Variants in IDO2 observed in about 807,000 individuals in gnomAD.
IDO2 encodes the protein indoleamine 2,3-dioxygenase-like 1 protein.
In IDO2, 46 loss-of-function variants were observed where a neutral mutation model predicts 45.1. The observed-to-expected ratio is 1.02, with a 90% CI of 0.80 to 1.30. IDO2 has a LOEUF of 1.30. IDO2 is among the 50% of genes most tolerant of loss of function. The probability of loss-of-function intolerance (pLI) is 0.00; values close to 1 mark genes in which losing one functional copy is unlikely to be tolerated. For missense variants in IDO2, 544 were observed against 491.8 expected (o/e 1.11, Z -1.00); for synonymous variants, 218 against 184.9 (o/e 1.18, Z -1.45).
chr8:39,968,714 G>A (rs528128732), intron 3 of IDO2, among the ~76,000 whole-genome samples: 3 of 151,862 alleles, frequency 2.0e-5, no homozygotes, highest in African/African-American at 7.2e-5. Flanking sequence ...CTGTTGTGGG[G>A]TGGGGGGCTA....
chr8:39,969,566 C>A (rs745768008), intron 3 of IDO2, among the ~76,000 whole-genome samples: 12 of 152,120 alleles, frequency 7.9e-5, no homozygotes, highest in Non-Finnish European at 1.2e-4. Flanking sequence ...AGTTGCATGT[C>A]TCTCACTTTA....
intron 2 of IDO2, among the ~76,000 whole-genome samples, chr8:39,952,480 T>C (rs1445571838): frequency 6.6e-6 from 1 of 152,328 alleles, no homozygotes; most frequent in Admixed American, 6.5e-5. Context: ...AATTCTGGTT[T>C]TGGGAAGCAG....
chr8:39,967,122 T>A lies in IDO2; in HGVS notation c.195+3419T>A, dbSNP rs183304533. On this transcript the variant is annotated intron_variant, in intron 3 of 10. Transcript: ENST00000502986. ...TGACTTAGGGACTTCCTTGATAAAT[T>A]TCATAAAGCATAAAGAAAAATCAAA... 4.6e-5 allele frequency among the ~76,000 whole-genome samples: 7 copies of A among 152,244 alleles called. No homozygotes were observed. In the East Asian group the frequency reaches 1.3e-3, roughly 29 times the overall value.
intron 9 of IDO2, among the ~76,000 whole-genome samples, chr8:40,009,511 G>T (rs868634233): frequency 4.3e-4 from 65 of 150,624 alleles, no homozygotes; most frequent in African/African-American, 1.4e-3. Flanking sequence ...CTAGAAAGTT[G>T]CTACAAGAAA....
chr8:39,969,349 CAT>C (rs1163265745), intron 3 of IDO2, among the ~76,000 whole-genome samples: 2 of 152,094 alleles, frequency 1.3e-5, no homozygotes, highest in Non-Finnish European at 2.9e-5. Context: ...ATGTTACTAT[CAT>C]AATCGTTTTG....
rs79210405 is a variant in IDO2, at chr8:39,968,508, T to C, written c.195+4805T>C. Among the ~76,000 whole-genome samples, 21 of 152,280 alleles carry C rather than the reference T, an allele frequency of 1.4e-4. No individual in the cohort carries two copies. The East Asian group carries it at 2.7e-3, about 20-fold the overall frequency. ...GTCACAAAGAATGGACTTTCATGTA[T>C]GCAAATTTTAAAAAATAAACCAGAA... On this transcript the variant is annotated intron_variant, in intron 3 of 10. Transcript: ENST00000502986.
intron 2 of IDO2, among the ~76,000 whole-genome samples, chr8:39,955,180 C>A (rs1807872447): frequency 6.8e-6 from 1 of 148,052 alleles, no homozygotes. Context: ...AATATTCTGG[C>A]ATGCTAGATG....
At chr8:39,963,364 A>G (rs1401261327) in intron 2 of IDO2, among the ~76,000 whole-genome samples, 1 of 152,242 alleles carries the variant, frequency 6.6e-6, no homozygotes, top group African/African-American at 2.4e-5. Context: ...GTAATTAAAC[A>G]TATTTTACTG....
At position 39,945,717 on chromosome 8, in the gene IDO2, G is replaced by C. The variant is rs545224997; in HGVS notation, c.-17-3432G>C. On this transcript the variant is annotated intron_variant, in intron 1 of 10. Coordinates refer to ENST00000502986, the Ensembl canonical transcript of IDO2. ...TTAACTCTGGGACCCTCTTAGCCAA[G>C]AAGAGGTCCATTCAGTTGGTTGAAG... is the stretch of plus-strand genomic sequence containing the variant. Among the ~76,000 whole-genome samples, 10 of 152,318 alleles carry C rather than the reference G, an allele frequency of 6.6e-5. 1 individual carries two copies. In the Middle Eastern group the frequency reaches 0.014, roughly 207 times the overall value.
Position 39,954,407 on chromosome 8 carries a change from C to T in IDO2, c.99+5143C>T, listed in dbSNP as rs527555241. 3.9e-5 allele frequency among the ~76,000 whole-genome samples: 6 copies of T among 152,256 alleles called. No individual in the cohort carries two copies. In the East Asian group the frequency reaches 7.7e-4, roughly 20 times the overall value. Reference sequence around the variant, plus strand: ...GTGAAGTCAGATTTAATAGTATAGTCGTTTGCCAGAGCTGCTGTAACAGTA... The same window carrying T: ...GTGAAGTCAGATTTAATAGTATAGTTGTTTGCCAGAGCTGCTGTAACAGTA... On this transcript the variant is annotated intron_variant, in intron 2 of 10. Transcript: ENST00000502986.
chr8:39,941,534 C>T (rs966983317), intron 1 of IDO2, among the ~76,000 whole-genome samples: 36 of 152,030 alleles, frequency 2.4e-4, no homozygotes, highest in African/African-American at 8.0e-4. Flanking sequence ...GTTTTATTGG[C>T]AGGACCTAAG....
At chr8:39,986,168 T>G (rs1434534683) in intron 6 of IDO2, 1 of 152,288 alleles carries the variant, frequency 6.6e-6, no homozygotes, top group Non-Finnish European at 1.5e-5. Context: ...CTCATCTCAC[T>G]ATATCTTCTA....
chr8:39,972,007 T>G (rs2543057), intron 3 of IDO2, among the ~76,000 whole-genome samples: 3,290 of 152,112 alleles, frequency 0.022, 115 homozygotes, highest in African/African-American at 0.073. Flanking sequence ...ATGGGGTTTT[T>G]CCATGTTGGC....
chr8:40,005,465 G>A (rs1158205308), intron 9 of IDO2, 87 bp downstream of exon 9: 3 of 837,830 alleles, frequency 3.6e-6, no homozygotes, highest in African/African-American at 1.7e-5. Flanking sequence ...AAGCTTCCTA[G>A]CGTAAGAAAC....
intron 2 of IDO2, among the ~76,000 whole-genome samples, chr8:39,962,081 A>G (rs551286440): frequency 5.9e-5 from 9 of 152,204 alleles, no homozygotes; most frequent in East Asian, 1.9e-4. Flanking sequence ...CTGGGTGCCA[A>G]TGAAAATTCA....
intron 1 of IDO2, among the ~76,000 whole-genome samples, chr8:39,940,791 C>T (rs1807630568): frequency 6.6e-6 from 1 of 151,980 alleles, no homozygotes; most frequent in Non-Finnish European, 1.5e-5. Context: ...CTTCCCAAAA[C>T]AAAGAAATGA....
At chr8:39,988,075 A>G (rs537910459) in intron 7 of IDO2, 105 bp downstream of exon 7, 4 of 661,014 alleles carry the variant, frequency 6.1e-6, no homozygotes, top group Non-Finnish European at 1.1e-5. Context: ...ATGAACATAG[A>G]CCTTGTCCTG....
At chr8:39,987,095 C>T (rs539150830) in intron 6 of IDO2, 2 of 152,274 alleles carry the variant, frequency 1.3e-5, no homozygotes, top group Non-Finnish European at 2.9e-5. Context: ...GGTAATCTGC[C>T]TACCTCGCTC....
exon 7 of IDO2, chr8:39,987,873 A>C (rs1390381661): frequency 6.3e-7 from 1 of 1,597,418 alleles, no homozygotes; most frequent in African/African-American, 1.3e-5. Context: ...TTCCCAAGGA[A>C]CCTGGAGACC....
Sources: allele counts gnomAD v4.1 joint callset (sites outside exome capture counted in the v4.1 genomes callset), GRCh38; gene constraint gnomAD v4.1.1; transcripts MANE v1.5; gene names NCBI Gene and HGNC (gene_info 2026-07-23, HGNC 2026-07-21).